HRH1: variants seen among roughly 807,000 people sequenced by gnomAD.
HRH1 encodes histamine receptor H1.
A neutral mutation model predicts 10.3 loss-of-function variants in HRH1; 6 were observed. The ratio of observed to expected loss-of-function variants is 0.58; its 90% CI spans 0.32 to 1.15. The LOEUF (loss-of-function observed/expected upper bound fraction) is 1.15. Among genes scored for constraint, HRH1 ranks in the 50% most tolerant of loss-of-function variants. The probability of loss-of-function intolerance (pLI) is 0.05; values close to 1 mark genes in which losing one functional copy is unlikely to be tolerated. For synonymous variants in HRH1, 242 were observed against 236.7 expected, an observed-to-expected ratio of 1.02 and a Z score of -0.21; for missense variants, 514 against 615.3, an observed-to-expected ratio of 0.84 and a Z score of 1.74.
At chr3:11,137,693 T>C (rs949917440) in intron 1 of HRH1, among the ~76,000 whole-genome samples, 5 of 152,098 alleles carry the variant, frequency 3.3e-5, no homozygotes, top group Non-Finnish European at 5.9e-5. Context: ...GTCTGAGTTA[T>C]TGATTGAGTC....
At chr3:11,170,686 G>C (rs548739343) in intron 1 of HRH1, among the ~76,000 whole-genome samples, 1 of 152,236 alleles carries the variant, frequency 6.6e-6, no homozygotes, top group African/African-American at 2.4e-5. Flanking sequence ...CAAGGGTTAC[G>C]AGCACACAGA....
chr3:11,206,500 A>G (rs2125031059), intron 1 of HRH1, among the ~76,000 whole-genome samples: 1 of 152,322 alleles, frequency 6.6e-6, no homozygotes, highest in African/African-American at 2.4e-5. Context: ...CTGGCCCTCC[A>G]CTTCAGTGGC....
chr3:11,241,222 T>A (rs375352178), intron 1 of HRH1, among the ~76,000 whole-genome samples: 7 of 152,168 alleles, frequency 4.6e-5, no homozygotes, highest in East Asian at 1.9e-4. Flanking sequence ...ATAACAAAGA[T>A]TCACCCTGGA....
At chr3:11,190,370 TTAA>T (rs1199134384) in intron 1 of HRH1, among the ~76,000 whole-genome samples, 2 of 148,330 alleles carry the variant, frequency 1.3e-5, no homozygotes, top group Non-Finnish European at 1.5e-5. Flanking sequence ...TATATATTTT[TTAA>T]TTAATTAATT....
At chr3:11,215,868 T>C (rs1347095155) in intron 1 of HRH1, among the ~76,000 whole-genome samples, 1 of 152,212 alleles carries the variant, frequency 6.6e-6, no homozygotes, top group Non-Finnish European at 1.5e-5. Flanking sequence ...AAACTATGGA[T>C]TTACCCTACA....
intron 1 of HRH1, among the ~76,000 whole-genome samples, chr3:11,148,106 G>A (rs57565453): frequency 0.14 from 21,513 of 151,648 alleles, 1,754 homozygotes; most frequent in East Asian, 0.3. Flanking sequence ...CTTGAACCCA[G>A]GAGGCGGAGG....
intron 1 of HRH1, among the ~76,000 whole-genome samples, chr3:11,257,558 T>C (rs924967503): frequency 7.0e-6 from 1 of 143,044 alleles, no homozygotes; most frequent in African/African-American, 2.7e-5. Flanking sequence ...AGACTCCATC[T>C]CAAAAAAAAA....
intron 1 of HRH1, among the ~76,000 whole-genome samples, chr3:11,149,360 T>G (rs540285891): frequency 6.6e-6 from 1 of 152,386 alleles, no homozygotes; most frequent in African/African-American, 2.4e-5. Context: ...CTTTTTATAA[T>G]CAGCCATTTT....
At chr3:11,207,987 CA>C (rs151014433) in intron 1 of HRH1, among the ~76,000 whole-genome samples, 2,600 of 152,260 alleles carry the variant, frequency 0.017, 70 homozygotes, top group African/African-American at 0.055. Flanking sequence ...CACTTAGAAG[CA>C]AGAGCAGACA....
chr3:11,145,322 C>A (rs757054389), intron 1 of HRH1, among the ~76,000 whole-genome samples: 16 of 152,266 alleles, frequency 1.1e-4, no homozygotes, highest in Middle Eastern at 3.4e-3. Flanking sequence ...GCTGTGAGTG[C>A]CCTTGCATGC....
chr3:11,176,323 A>G (rs939902659), intron 1 of HRH1, among the ~76,000 whole-genome samples: 1 of 152,240 alleles, frequency 6.6e-6, no homozygotes, highest in African/African-American at 2.4e-5. Flanking sequence ...AAAAGTGGAC[A>G]GGACAAAGGA....
chr3:11,223,706 C>T (rs980012861), intron 1 of HRH1, among the ~76,000 whole-genome samples: 9 of 152,200 alleles, frequency 5.9e-5, no homozygotes, highest in African/African-American at 2.2e-4. Flanking sequence ...TAAATTGTTA[C>T]ATAAACCAGT....
At chr3:11,213,872 A>G (rs1938407413) in intron 1 of HRH1, among the ~76,000 whole-genome samples, 1 of 152,216 alleles carries the variant, frequency 6.6e-6, no homozygotes, top group Non-Finnish European at 1.5e-5. Context: ...CAGCAAAATA[A>G]GGTAGAATGT....
At chr3:11,206,797 C>T (rs1938145420) in intron 1 of HRH1, among the ~76,000 whole-genome samples, 2 of 152,138 alleles carry the variant, frequency 1.3e-5, no homozygotes, top group Admixed American at 1.3e-4. Context: ...GTGCCTGGCA[C>T]GTGGAGCAAA....
intron 1 of HRH1, among the ~76,000 whole-genome samples, chr3:11,188,306 G>A (rs1937482125): frequency 6.6e-6 from 1 of 152,158 alleles, no homozygotes; most frequent in Non-Finnish European, 1.5e-5. Context: ...CTTGTAGGAA[G>A]TTATAAAGAA....
chr3:11,138,612 T>C (rs1415022914), intron 1 of HRH1, among the ~76,000 whole-genome samples: 1 of 152,100 alleles, frequency 6.6e-6, no homozygotes, highest in Admixed American at 6.6e-5. Context: ...GGGATTACCA[T>C]ATGATCCAAC....
At chr3:11,217,600 G>C (rs1175526368) in intron 1 of HRH1, among the ~76,000 whole-genome samples, 1 of 152,160 alleles carries the variant, frequency 6.6e-6, no homozygotes, top group Admixed American at 6.5e-5. Flanking sequence ...GAGTTGTTCA[G>C]TAAATATAGA....
At chr3:11,191,908 C>T (rs1382272969) in intron 1 of HRH1, among the ~76,000 whole-genome samples, 4 of 152,198 alleles carry the variant, frequency 2.6e-5, no homozygotes, top group Non-Finnish European at 5.9e-5. Context: ...CCCTATGGGG[C>T]TGGCATGGCC....
intron 1 of HRH1, among the ~76,000 whole-genome samples, chr3:11,249,007 C>T (rs1010194675): frequency 6.6e-6 from 1 of 152,166 alleles, no homozygotes; most frequent in Non-Finnish European, 1.5e-5. Context: ...TCTTGATATC[C>T]TGTTTCAATA....
Sources: gnomAD v4.1 joint callset for allele counts (sites outside exome capture counted in the v4.1 genomes callset) on GRCh38, gnomAD v4.1.1 for gene constraint, MANE v1.5 for transcripts, NCBI Gene and HGNC (gene_info 2026-07-23, HGNC 2026-07-21) for gene names.